The following CATSPERD variants were observed in gnomAD, a reference collection of about 807,000 sequenced individuals.
The protein encoded by CATSPERD is cation channel sperm-associated auxiliary subunit delta.
Under a neutral mutation model 98.1 loss-of-function variants are expected in CATSPERD, and 86 were observed. The observed-to-expected ratio is 0.88, with a 90% CI of 0.74 to 1.05. The LOEUF (loss-of-function observed/expected upper bound fraction) is 1.05. Ranked by LOEUF, CATSPERD falls within the 50% of genes least tolerant of loss-of-function variation. The pLI, the probability that CATSPERD is intolerant of heterozygous loss-of-function variation, is 0.00. For synonymous variants in CATSPERD, 394 were observed against 390.2 expected (o/e 1.01, Z -0.12); for missense variants, 995 against 1,005.7 (o/e 0.99, Z 0.14).
chr19:5,776,835 C>T (rs2056749021), intron 21 of CATSPERD, among the ~76,000 whole-genome samples: 1 of 150,740 alleles, frequency 6.6e-6, no homozygotes, highest in African/African-American at 2.4e-5. Context: ...GATTGCGCCA[C>T]TCACTGGCCT....
At chr19:5,773,790 AT>A (rs2056692674) in intron 20 of CATSPERD, among the ~76,000 whole-genome samples, 1 of 148,988 alleles carries the variant, frequency 6.7e-6, no homozygotes, top group South Asian at 2.1e-4. Flanking sequence ...GATTATAGGT[AT>A]AAGTCACCAC....
intron 20 of CATSPERD, chr19:5,775,143 G>C (rs747390568): frequency 7.3e-6 from 3 of 409,918 alleles, no homozygotes; most frequent in African/African-American, 4.2e-5. Context: ...TACTTGAGAC[G>C]GTCACTACAA....
chr19:5,775,402 C>G (rs2056722728), intron 20 of CATSPERD: 2 of 399,600 alleles, frequency 5.0e-6, no homozygotes, highest in Non-Finnish European at 1.0e-5. Flanking sequence ...CTTTGGGAGG[C>G]TGAGGTGGGT....
chr19:5,739,547 C>T (rs1248950138), intron 7 of CATSPERD, 108 bp downstream of exon 7: 1 of 645,708 alleles, frequency 1.5e-6, no homozygotes, highest in East Asian at 3.1e-5. Context: ...AAGAGTCCAA[C>T]TGGGACAGGA....
In CATSPERD at chr19:5,778,591, A is replaced by G. The variant is rs201809671; in HGVS notation, c.2312A>G (p.Gln771Arg). ...QLCRRCKTVC[Q>R]FRASATARAG... ...TGTAGGAGATGCAAGACGGTCTGCCAGTTCAGGGCCTCAGCCACAGCCAGG... is the reference window on the plus strand; with the variant it reads ...TGTAGGAGATGCAAGACGGTCTGCCGGTTCAGGGCCTCAGCCACAGCCAGG... Residue 771 changes from glutamine to arginine, a missense_variant, in exon 22 of 22, where the codon CAG (glutamine) becomes CGG (arginine). Gln to Arg is a conservative substitution (Grantham distance 43, BLOSUM62 1). Coordinates refer to ENST00000381624, the MANE Select transcript of CATSPERD (RefSeq NM_152784.4). The G allele has an allele frequency of 9.9e-5, 159 of 1,613,724 alleles. No homozygotes were observed. The highest frequency in any genetic ancestry group is 1.7e-5 in the Non-Finnish European group (20 of 1,180,048).
At chr19:5,740,851 G>A (rs181068248) in intron 7 of CATSPERD, among the ~76,000 whole-genome samples, 108 of 151,408 alleles carry the variant, frequency 7.1e-4, no homozygotes, top group African/African-American at 2.4e-3. Context: ...TTGGGAGGCT[G>A]AAGCAGGTGG....
intron 1 of CATSPERD, among the ~76,000 whole-genome samples, chr19:5,722,487 C>T (rs573645497): frequency 6.6e-6 from 1 of 152,310 alleles, no homozygotes; most frequent in South Asian, 2.1e-4. Flanking sequence ...CCTAACAACA[C>T]ATACCTAGTA....
chr19:5,775,265 G>A (rs1231405955), intron 20 of CATSPERD: 2 of 471,286 alleles, frequency 4.2e-6, no homozygotes, highest in Non-Finnish European at 8.8e-6. Context: ...AGAGGCATGG[G>A]GAAGAAGAGA....
intron 12 of CATSPERD, 39 bp downstream of exon 12, chr19:5,751,862 G>T (rs1169668731): frequency 4.5e-6 from 7 of 1,556,686 alleles, no homozygotes; most frequent in Non-Finnish European, 5.2e-6. Context: ...GTTCAATGTA[G>T]TTTTTAAAGA....
intron 20 of CATSPERD, among the ~76,000 whole-genome samples, chr19:5,774,493 G>C (rs1396759657): frequency 6.6e-6 from 1 of 150,816 alleles, no homozygotes; most frequent in Non-Finnish European, 1.5e-5. Context: ...AGGAGTTCAA[G>C]ACCAGCTTAA....
intron 20 of CATSPERD, 117 bp downstream of exon 20, chr19:5,773,082 G>C: frequency 9.6e-7 from 1 of 1,039,512 alleles, no homozygotes; most frequent in Non-Finnish European, 1.4e-6. Context: ...GTTGGGGCGC[G>C]GTGGCTCACG....
intron 20 of CATSPERD, among the ~76,000 whole-genome samples, chr19:5,774,293 C>CT (rs2056702817): frequency 6.6e-6 from 1 of 151,932 alleles, no homozygotes; most frequent in Non-Finnish European, 1.5e-5. Flanking sequence ...TATATGCATT[C>CT]TTCATATGGG....
At chr19:5,753,286 C>A (rs894669459) in intron 12 of CATSPERD, among the ~76,000 whole-genome samples, 28 of 152,086 alleles carry the variant, frequency 1.8e-4, no homozygotes, top group African/African-American at 6.5e-4. Flanking sequence ...AGGGGGCGGG[C>A]GCGGTGGCTC....
intron 7 of CATSPERD, among the ~76,000 whole-genome samples, chr19:5,742,616 C>A (rs970729001): frequency 1.3e-5 from 2 of 151,784 alleles, no homozygotes; most frequent in Non-Finnish European, 2.9e-5. Flanking sequence ...ACCCACCCCC[C>A]ACCATATCTA....
chr19:5,742,585 C>A (rs567180069), intron 7 of CATSPERD, among the ~76,000 whole-genome samples: 16 of 151,968 alleles, frequency 1.1e-4, no homozygotes, highest in Admixed American at 3.3e-4. Context: ...AGTTCAAGAC[C>A]AGCCTGGGGA....
chr19:5,768,321 T>TTTATTTA (rs2056581782), intron 18 of CATSPERD, 79 bp downstream of exon 18: 2 of 596,858 alleles, frequency 3.4e-6, no homozygotes, highest in Non-Finnish European at 4.4e-6. Context: ...AATTAGGAAT[T>TTTATTTA]TTATTTATTT....
At chr19:5,751,263 G>A (rs1351410778) in intron 11 of CATSPERD, among the ~76,000 whole-genome samples, 2 of 127,140 alleles carry the variant, frequency 1.6e-5, no homozygotes, top group African/African-American at 6.0e-5. Context: ...GGTGGCTCAC[G>A]CCTGTAATCC....
intron 15 of CATSPERD, among the ~76,000 whole-genome samples, chr19:5,762,625 ATGGATGGATGG>A (rs1296944370): frequency 1.3e-5 from 2 of 151,292 alleles, no homozygotes; most frequent in African/African-American, 4.8e-5. Flanking sequence ...GGGTGGATGG[ATGGATGGATGG>A]ATGGATGGAT....
At chr19:5,737,294 C>T (rs58487035) in intron 6 of CATSPERD, 89 bp downstream of exon 6, 5 of 866,544 alleles carry the variant, frequency 5.8e-6, no homozygotes, top group African/African-American at 1.7e-5. Context: ...GGCGTGGTGG[C>T]TCATACCTGT....
Sources: allele counts gnomAD v4.1 joint callset (sites outside exome capture counted in the v4.1 genomes callset), GRCh38; gene constraint gnomAD v4.1.1; transcripts MANE v1.5; gene names NCBI Gene and HGNC (gene_info 2026-07-23, HGNC 2026-07-21).